Variants in EPHA5 observed in about 807,000 individuals in gnomAD.
EPHA5 encodes ephrin type-A receptor 5.
EPHA5 carries 60 observed loss-of-function variants against 105.0 expected under a neutral mutation model. The observed-to-expected ratio is 0.57, with a 90% CI of 0.46 to 0.71. EPHA5 has a LOEUF of 0.71. Ranked by LOEUF, EPHA5 falls within the 30% of genes least tolerant of loss-of-function variation. The probability of loss-of-function intolerance (pLI) is 0.00; values close to 1 mark genes in which losing one functional copy is unlikely to be tolerated. For synonymous variants in EPHA5, 513 were observed against 449.1 expected (o/e 1.14, Z -1.80); for missense variants, 1,218 against 1,274.7 (o/e 0.96, Z 0.68).
chr4:65,386,763 T>G (rs1720135927), intron 8 of EPHA5, among the ~76,000 whole-genome samples: 2 of 152,038 alleles, frequency 1.3e-5, no homozygotes, highest in African/African-American at 4.8e-5. Flanking sequence ...AAAGACATCT[T>G]AAATATATAT....
chr4:65,507,722 C>T (rs1200404449), intron 3 of EPHA5, among the ~76,000 whole-genome samples: 1 of 151,988 alleles, frequency 6.6e-6, no homozygotes, highest in Non-Finnish European at 1.5e-5. Flanking sequence ...GATTTTGTAT[C>T]CTGAGACTGC....
intron 3 of EPHA5, among the ~76,000 whole-genome samples, chr4:65,498,841 T>C (rs1000903927): frequency 6.6e-6 from 1 of 151,700 alleles, no homozygotes; most frequent in African/African-American, 2.4e-5. Context: ...TGTGGTTCAA[T>C]ATTATCCAAG....
intron 1 of EPHA5, among the ~76,000 whole-genome samples, chr4:65,644,969 A>G (rs964992375): frequency 6.6e-6 from 1 of 151,960 alleles, no homozygotes; most frequent in Non-Finnish European, 1.5e-5. Context: ...TACTCAAATC[A>G]TACTGGTTTT....
chr4:65,615,937 C>A (rs1257037600), intron 2 of EPHA5, among the ~76,000 whole-genome samples: 1 of 151,834 alleles, frequency 6.6e-6, no homozygotes, highest in Non-Finnish European at 1.5e-5. Context: ...TCTTCAACAT[C>A]TATACCTGGT....
At chr4:65,471,280 CA>C (rs1191464629) in intron 5 of EPHA5, among the ~76,000 whole-genome samples, 1 of 152,122 alleles carries the variant, frequency 6.6e-6, no homozygotes, top group Non-Finnish European at 1.5e-5. Context: ...TGATGGATAC[CA>C]ATGCCAACAT....
At chr4:65,669,103 T>C (rs1750223039) in intron 1 of EPHA5, among the ~76,000 whole-genome samples, 1 of 151,906 alleles carries the variant, frequency 6.6e-6, no homozygotes, top group Non-Finnish European at 1.5e-5. Flanking sequence ...ACGTTTCCCA[T>C]CACTGGCCTC....
intron 3 of EPHA5, among the ~76,000 whole-genome samples, chr4:65,509,608 T>A (rs1302471298): frequency 6.6e-6 from 1 of 152,192 alleles, no homozygotes; most frequent in African/African-American, 2.4e-5. Context: ...TTGTAAAGCA[T>A]ATTCCTTTTC....
Position 65,601,919 on chromosome 4 carries a change from T to G in EPHA5, c.632A>C (p.Tyr211Ser). ...AGCACCAACATCTTGAAAAGCAAGA[T>G]AAAATCCCTTTTTGCTTAGAGGTCC... ...DVGPLSKKGF[Y>S]LAFQDVGACI... Residue 211 changes from tyrosine to serine, a missense_variant, in exon 3 of 17, where the codon TAT becomes TCT. Coordinates refer to ENST00000613740, the MANE Select transcript of EPHA5 (RefSeq NM_001281766.3). 6.2e-7 allele frequency: 1 copy of G among 1,614,196 alleles called. No homozygotes were observed. Among genetic ancestry groups the G allele is most frequent in the South Asian group, 1.1e-5 (1 of 91,082 alleles).
intron 1 of EPHA5, among the ~76,000 whole-genome samples, chr4:65,651,427 C>T (rs1436300624): frequency 6.6e-6 from 1 of 152,134 alleles, no homozygotes; most frequent in African/African-American, 2.4e-5. Context: ...TGAAGGCAAA[C>T]CTATGTCTCC....
intron 2 of EPHA5, among the ~76,000 whole-genome samples, chr4:65,626,190 G>GA (rs1472267667): frequency 6.6e-6 from 1 of 151,110 alleles, no homozygotes. Flanking sequence ...TTTATATTTA[G>GA]AAAAAAATGG....
Position 65,320,314 on chromosome 4 carries a change from C to A in EPHA5, c.*3800G>T. On this transcript the variant is annotated 3_prime_UTR_variant, in exon 17 of 17. Coordinates refer to ENST00000613740, the MANE Select transcript of EPHA5 (RefSeq NM_001281766.3). Reference sequence around the variant, plus strand: ...GTCAAATAAAGCTAGCATTTTGATTCCATTTATTCTTCATCATCATCATCA... The same window carrying A: ...GTCAAATAAAGCTAGCATTTTGATTACATTTATTCTTCATCATCATCATCA... 1 of 229,338 alleles carries A rather than the reference C, an allele frequency of 4.4e-6. No homozygotes were observed. The highest frequency in any genetic ancestry group is 8.6e-6 in the Non-Finnish European group (1 of 115,936). The allele number at this position is 229,338 out of a possible 1,614,324, so 14.2% of individuals were successfully genotyped here. A position where few individuals can be genotyped will look rare whatever the true frequency, so the allele number is the denominator to read the frequency against.
intron 2 of EPHA5, among the ~76,000 whole-genome samples, chr4:65,624,219 C>T (rs1211609168): frequency 6.6e-6 from 1 of 151,848 alleles, no homozygotes; most frequent in African/African-American, 2.4e-5. Flanking sequence ...TATTATGCTT[C>T]AGAGAATGTT....
At chr4:65,600,087 TA>T (rs919527523) in intron 3 of EPHA5, among the ~76,000 whole-genome samples, 6 of 152,192 alleles carry the variant, frequency 3.9e-5, no homozygotes, top group South Asian at 4.1e-4. Flanking sequence ...AACAAATTTT[TA>T]GAAATAATTA....
chr4:65,609,641 GT>G (rs71205395), intron 2 of EPHA5, among the ~76,000 whole-genome samples: 41,596 of 144,192 alleles, frequency 0.29, 6,127 homozygotes, highest in East Asian at 0.56. Flanking sequence ...AAAAAAATCA[GT>G]TTTTTTTTTT....
Position 65,645,658 on chromosome 4 carries a change from G to A in EPHA5, c.182-2231C>T, listed in dbSNP as rs142502800. On this transcript the variant is annotated intron_variant, in intron 1 of 16. Transcript: ENST00000613740. ...AAAATATGTATGTGTTGGACAAAAC[G>A]AATTACCTCAAAAAACTAGCTTGGC... Among the ~76,000 whole-genome samples, 436 of 148,980 alleles carry A rather than the reference G, an allele frequency of 2.9e-3. 2 individuals carry two copies. Among genetic ancestry groups the A allele is most frequent in the Non-Finnish European group, 4.9e-3 (330 of 67,440 alleles).
In EPHA5 at chr4:65,468,593, A is replaced by T. The variant is rs1233211807; in HGVS notation, c.1402+21784T>A. ...ATATATATATATGTAAAATATATAT[A>T]ATATATATATTATATATATTATATA... On this transcript the variant is annotated intron_variant, in intron 5 of 16. Transcript: ENST00000613740. 1.5e-4 allele frequency among the ~76,000 whole-genome samples: 3 copies of T among 19,892 alleles called. 1 individual carries two copies. Among genetic ancestry groups the T allele is most frequent in the Non-Finnish European group, 3.1e-4 (3 of 9,678 alleles). 13.0% of individuals were successfully genotyped at this position (19,892 alleles called of 152,430 possible). A position where few individuals can be genotyped will look rare whatever the true frequency, so the allele number is the denominator to read the frequency against.
At chr4:65,402,323 G>T (rs1721921969) in intron 8 of EPHA5, among the ~76,000 whole-genome samples, 1 of 152,036 alleles carries the variant, frequency 6.6e-6, no homozygotes, top group Non-Finnish European at 1.5e-5. Flanking sequence ...AAAGTGTATG[G>T]GTGACTTTGT....
intron 13 of EPHA5, among the ~76,000 whole-genome samples, chr4:65,349,275 T>C (rs759948414): frequency 2.0e-5 from 3 of 152,130 alleles, no homozygotes; most frequent in Non-Finnish European, 4.4e-5. Flanking sequence ...AATTAAAAAT[T>C]ATTGAAATTG....
chr4:65,422,174 AG>A (rs35761112), intron 5 of EPHA5, among the ~76,000 whole-genome samples: 1 of 152,230 alleles, frequency 6.6e-6, no homozygotes, highest in South Asian at 2.1e-4. Context: ...GTTTAGAATG[AG>A]GGGAGAAGAC....
Sources: gnomAD v4.1 joint callset for allele counts (sites outside exome capture counted in the v4.1 genomes callset) on GRCh38, gnomAD v4.1.1 for gene constraint, MANE v1.5 for transcripts, NCBI Gene and HGNC (gene_info 2026-07-23, HGNC 2026-07-21) for gene names.